Variants in RIOK3 observed in about 807,000 individuals in gnomAD.
The protein encoded by RIOK3 is RIO kinase 3.
In RIOK3, 40 loss-of-function variants were observed where a neutral mutation model predicts 63.5. The ratio of observed to expected loss-of-function variants is 0.63; its 90% confidence interval spans 0.49 to 0.82. The LOEUF is 0.82. RIOK3 is among the 40% of genes least tolerant of loss of function. RIOK3 has a pLI of 0.00. For synonymous variants in RIOK3, 193 were observed against 205.0 expected, an observed-to-expected ratio of 0.94 and a Z score of 0.50; for missense variants, 557 against 637.0, an observed-to-expected ratio of 0.87 and a Z score of 1.35.
At chr18:23,459,564 A>G (rs962972751) in intron 1 of RIOK3, among the ~76,000 whole-genome samples, 1 of 152,230 alleles carries the variant, frequency 6.6e-6, no homozygotes, top group African/African-American at 2.4e-5. Context: ...GGTAACATTG[A>G]GACAGCCTTA....
At chr18:23,460,342 T>G (rs1401580043) in intron 1 of RIOK3, among the ~76,000 whole-genome samples, 1 of 152,232 alleles carries the variant, frequency 6.6e-6, no homozygotes, top group African/African-American at 2.4e-5. Context: ...TAGGGCAGTT[T>G]GCTTCACACA....
intron 12 of RIOK3, 31 bp from the exon 13 acceptor site, chr18:23,481,141 G>T: frequency 6.8e-7 from 1 of 1,462,444 alleles, no homozygotes; most frequent in South Asian, 1.1e-5. Flanking sequence ...GTAGGATTTT[G>T]ACAAATGGAT....
chr18:23,469,456 CTCTT>C (rs1170458293), intron 7 of RIOK3, among the ~76,000 whole-genome samples: 3 of 145,334 alleles, frequency 2.1e-5, no homozygotes, highest in Non-Finnish European at 4.5e-5. Context: ...CTCTCTCTCT[CTCTT>C]TTTCTTTCTT....
Position 23,481,825 on chromosome 18 carries a change from C to G in RIOK3, c.*546C>G, listed in dbSNP as rs746154631. 2.0e-5 allele frequency: 3 copies of G among 152,148 alleles called. No homozygotes were observed. The highest frequency in any genetic ancestry group is 6.5e-5 in the Admixed American group (1 of 15,278). 9.4% of individuals were successfully genotyped at this position (152,148 alleles called of 1,614,324 possible). ...GGAAATTTGGTTTCAGAATGGCTGA[C>G]AGAAATCGACATAAGTCATGTAATT... is the stretch of plus-strand genomic sequence containing the variant. On this transcript the variant is annotated 3_prime_UTR_variant, in exon 13 of 13. Transcript: ENST00000339486.
Position 23,455,822 on chromosome 18 carries a change from G to A in RIOK3, c.63+2320G>A, listed in dbSNP as rs370489703. ...CTAATTTTTGGGTTTTTTTTGAGAC[G>A]GAGCCTCGCTCTGTCACCAGGCTGG... is the stretch of plus-strand genomic sequence containing the variant. On this transcript the variant is annotated intron_variant, in intron 1 of 12. Coordinates refer to ENST00000339486, the MANE Select transcript of RIOK3 (RefSeq NM_003831.5). Among the ~76,000 whole-genome samples, 38 of 151,268 alleles carry A rather than the reference G, an allele frequency of 2.5e-4. No individual in the cohort carries two copies. The South Asian group carries it at 4.8e-3, about 19-fold the overall frequency.
chr18:23,476,067 G>A (rs895321801), intron 9 of RIOK3, among the ~76,000 whole-genome samples: 2 of 150,270 alleles, frequency 1.3e-5, no homozygotes, highest in African/African-American at 2.4e-5. Context: ...GATTACTGGT[G>A]TGAGCCACCA....
At chr18:23,458,064 T>G (rs1169479488) in intron 1 of RIOK3, among the ~76,000 whole-genome samples, 1 of 80,894 alleles carries the variant, frequency 1.2e-5, no homozygotes, top group African/African-American at 6.5e-5. Context: ...TGGCTAGTTG[T>G]TTTTTTTTTT....
intron 5 of RIOK3, among the ~76,000 whole-genome samples, 169 bp from the exon 6 acceptor site, chr18:23,465,964 C>G (rs1265164568): frequency 1.3e-5 from 2 of 152,168 alleles, no homozygotes; most frequent in African/African-American, 4.8e-5. Context: ...AGTATTGCTC[C>G]TCTTTCTGTG....
intron 7 of RIOK3, among the ~76,000 whole-genome samples, chr18:23,469,304 CCTCT>C (rs376929343): frequency 0.013 from 256 of 19,402 alleles, 12 homozygotes; most frequent in African/African-American, 0.042. Context: ...TTTCTTTCTT[CCTCT>C]CTCTCTCTCT....
chr18:23,467,428 A>G lies in RIOK3; in HGVS notation c.717A>G (p.Leu239=). The G allele has an allele frequency of 6.2e-7, 1 of 1,613,122 alleles. No homozygotes were observed. Among genetic ancestry groups the G allele is most frequent in the Non-Finnish European group, 8.5e-7 (1 of 1,179,310 alleles). Residue 239 remains leucine, a synonymous_variant, in exon 7 of 13, where the codon TTA becomes TTG. Coordinates refer to ENST00000339486, the MANE Select transcript of RIOK3 (RefSeq NM_003831.5). ...AEKAVDPKTR[L]LMYKMVNSGM... ...AAGCAGTTGATCCTAAGACACGTTT[A>G]CTTATGTATAAAATGGTCAACTCTG...
chr18:23,474,988 C>T lies in RIOK3; in HGVS notation c.1054C>T (p.Leu352=). The change falls in exon 9 of 13, where the codon CTG becomes TTG. Residue 352 remains leucine (L), a synonymous_variant. Transcript: ENST00000339486. ...AGIPCPTVVL[L]KKHILVMSFI... is the part of the protein sequence containing the mutation. ...AATTCCTTGTCCAACAGTTGTACTACTGAAGAAACACATTTTAGTTATGTC... is the reference window on the plus strand; with the variant it reads ...AATTCCTTGTCCAACAGTTGTACTATTGAAGAAACACATTTTAGTTATGTC... The T allele has an allele frequency of 6.2e-7, 1 of 1,611,754 alleles. No individual in the cohort carries two copies. Among genetic ancestry groups the T allele is most frequent in the Non-Finnish European group, 8.5e-7 (1 of 1,177,920 alleles).
At chr18:23,470,925 T>G (rs2057452304) in intron 7 of RIOK3, among the ~76,000 whole-genome samples, 1 of 152,212 alleles carries the variant, frequency 6.6e-6, no homozygotes, top group African/African-American at 2.4e-5. Context: ...TGAAAGGAGC[T>G]TATCTCAAAA....
intron 1 of RIOK3, among the ~76,000 whole-genome samples, chr18:23,453,849 G>A (rs1007695751): frequency 6.6e-6 from 1 of 152,256 alleles, no homozygotes; most frequent in African/African-American, 2.4e-5. Flanking sequence ...CACTGGCCAA[G>A]TGAGTCAGCC....
At chr18:23,463,618 A>G (rs983743972) in intron 2 of RIOK3, among the ~76,000 whole-genome samples, 8 of 152,080 alleles carry the variant, frequency 5.3e-5, no homozygotes, top group Non-Finnish European at 1.0e-4. Flanking sequence ...CATGTTGGTC[A>G]GGTTGGTCTC....
At position 23,453,301 on chromosome 18, in the gene RIOK3, C is replaced by G. The variant is rs1273978524; in HGVS notation, c.-139C>G. 1 of 721,626 alleles carries G rather than the reference C, an allele frequency of 1.4e-6. No homozygotes were observed. The highest frequency in any genetic ancestry group is 2.5e-5 in the East Asian group (1 of 39,878). The allele number at this position is 721,626 out of a possible 1,614,324, so 44.7% of individuals were successfully genotyped here. On this transcript the variant is annotated 5_prime_UTR_variant, in exon 1 of 13. Coordinates refer to ENST00000339486, the MANE Select transcript of RIOK3 (RefSeq NM_003831.5). ...AGGAGAGATCCAGTTCCGGACGCGG[C>G]CGCCGCCGTCGCCGCCATCTGTCAC...
Position 23,481,303 on chromosome 18 carries a change from T to G in RIOK3, c.*24T>G. The G allele has an allele frequency of 7.2e-7, 1 of 1,396,892 alleles. No individual in the cohort carries two copies. Among genetic ancestry groups the G allele is most frequent in the Non-Finnish European group, 9.9e-7 (1 of 1,009,556 alleles). 86.5% of individuals were successfully genotyped at this position (1,396,892 alleles called of 1,614,324 possible). ...AGCACTAATACCCACTGCTTCAGTG[T>G]TAACACAGCAGTGATTGTCAGCTGC... On this transcript the variant is annotated 3_prime_UTR_variant, in exon 13 of 13. Transcript: ENST00000339486.
intron 1 of RIOK3, among the ~76,000 whole-genome samples, chr18:23,455,391 T>A (rs4800484): frequency 1.4e-5 from 2 of 139,184 alleles, no homozygotes; most frequent in Admixed American, 1.5e-4. Flanking sequence ...TTTTTTTTTT[T>A]CTTTTTCTTT....
At chr18:23,458,819 G>A (rs1006555349) in intron 1 of RIOK3, among the ~76,000 whole-genome samples, 2 of 152,186 alleles carry the variant, frequency 1.3e-5, no homozygotes, top group Admixed American at 1.3e-4. Flanking sequence ...GTCTTCCCCC[G>A]ACCCCAGAAG....
At chr18:23,480,768 A>T (rs1428857862) in intron 12 of RIOK3, among the ~76,000 whole-genome samples, 1 of 152,100 alleles carries the variant, frequency 6.6e-6, no homozygotes, top group East Asian at 1.9e-4. Context: ...AGCCTGAGCA[A>T]CATAAACTCC....
Sources: gnomAD v4.1 joint callset for allele counts (sites outside exome capture counted in the v4.1 genomes callset) on GRCh38, gnomAD v4.1.1 for gene constraint, MANE v1.5 for transcripts, NCBI Gene and HGNC (gene_info 2026-07-23, HGNC 2026-07-21) for gene names.